The following DNAH14 variants were observed in gnomAD, a reference collection of about 807,000 sequenced individuals.
The protein encoded by DNAH14 is axonemal beta dynein heavy chain 14.
In DNAH14, 478 loss-of-function variants were observed where a neutral mutation model predicts 520.9. The ratio of observed to expected loss-of-function variants is 0.92; its 90% CI spans 0.85 to 0.99. The LOEUF is 0.99. Ranked by LOEUF, DNAH14 falls within the 50% of genes least tolerant of loss-of-function variation. The probability of loss-of-function intolerance (pLI) is 0.00; values close to 1 mark genes in which losing one functional copy is unlikely to be tolerated. For synonymous variants in DNAH14, 1,581 were observed against 1,757.2 expected (o/e 0.90, Z 2.51); for missense variants, 4,831 against 5,234.5 (o/e 0.92, Z 2.38).
At position 225,082,697 on chromosome 1, in the gene DNAH14, G is replaced by T. The variant is rs879175180; in HGVS notation, c.3285G>T (p.Pro1095=). The change falls in exon 20 of 86, where the codon CCG becomes CCT. Residue 1095 remains proline (P), a synonymous_variant. Coordinates refer to ENST00000682510, the MANE Select transcript of DNAH14 (RefSeq NM_001367479.1). ...ALQEIIGKSV[P]LDKNCKVENL... Reference sequence around the variant, plus strand: ...AGGAGATTATTGGGAAGTCAGTTCCGCTTGATAAAAACTGTAAAGTAGAGA... The same window carrying T: ...AGGAGATTATTGGGAAGTCAGTTCCTCTTGATAAAAACTGTAAAGTAGAGA... 4 of 1,550,988 alleles carry T rather than the reference G, an allele frequency of 2.6e-6. No individual in the cohort carries two copies. Among genetic ancestry groups the T allele is most frequent in the Non-Finnish European group, 3.5e-6 (4 of 1,146,790 alleles).
At chr1:225,033,167 A>G (rs1039901071) in intron 11 of DNAH14, among the ~76,000 whole-genome samples, 1 of 152,084 alleles carries the variant, frequency 6.6e-6, no homozygotes, top group South Asian at 2.1e-4. Flanking sequence ...CTGTGTCCAG[A>G]ATGGTACTGC....
chr1:225,161,080 G>A (rs944770280), intron 35 of DNAH14, among the ~76,000 whole-genome samples: 5 of 151,084 alleles, frequency 3.3e-5, no homozygotes, highest in South Asian at 2.1e-4. Flanking sequence ...TTTCATATTC[G>A]TATTCATCCT....
intron 26 of DNAH14, among the ~76,000 whole-genome samples, chr1:225,121,687 A>G (rs527683828): frequency 1.7e-4 from 26 of 152,152 alleles, no homozygotes; most frequent in African/African-American, 6.0e-4. Flanking sequence ...CTAAAAATAC[A>G]AAATTTAGCC....
At chr1:224,956,361 A>G (rs2125527742) in intron 3 of DNAH14, among the ~76,000 whole-genome samples, 1 of 152,334 alleles carries the variant, frequency 6.6e-6, no homozygotes, top group East Asian at 1.9e-4. Flanking sequence ...TGATGGTCCC[A>G]TAAGATAATA....
intron 71 of DNAH14, among the ~76,000 whole-genome samples, chr1:225,351,434 A>ATT (rs1360977824): frequency 6.6e-6 from 1 of 152,124 alleles, no homozygotes; most frequent in Non-Finnish European, 1.5e-5. Context: ...ATTTACTTAT[A>ATT]TTTTTACCAC....
At chr1:225,111,722 C>T (rs946809712) in intron 23 of DNAH14, among the ~76,000 whole-genome samples, 5 of 151,856 alleles carry the variant, frequency 3.3e-5, no homozygotes, top group Non-Finnish European at 7.4e-5. Context: ...TTCCTTCCCT[C>T]CTGTCTTCTT....
chr1:225,151,963 A>C, intron 31 of DNAH14, 42 bp from the exon 32 acceptor site: 64 of 1,473,504 alleles, frequency 4.3e-5, no homozygotes, highest in Non-Finnish European at 5.9e-5. Context: ...GCTTTGGACT[A>C]GAGAAAACAG....
chr1:225,386,072 G>A (rs918173247), intron 81 of DNAH14, among the ~76,000 whole-genome samples: 1 of 152,122 alleles, frequency 6.6e-6, no homozygotes, highest in African/African-American at 2.4e-5. Context: ...CAGAAATAGT[G>A]CCACATATCT....
chr1:225,294,768 G>A (rs1483885532), intron 55 of DNAH14, among the ~76,000 whole-genome samples: 1 of 151,874 alleles, frequency 6.6e-6, no homozygotes, highest in East Asian at 1.9e-4. Context: ...AGGTTGCCAT[G>A]AGCCGAGATG....
chr1:225,083,952 GT>G (rs2073437048), intron 20 of DNAH14, among the ~76,000 whole-genome samples: 1 of 152,158 alleles, frequency 6.6e-6, no homozygotes, highest in African/African-American at 2.4e-5. Flanking sequence ...CAGACTAAAT[GT>G]AGCAGCAAGC....
chr1:225,214,250 G>A (rs1241357409), intron 41 of DNAH14, among the ~76,000 whole-genome samples: 1 of 152,182 alleles, frequency 6.6e-6, no homozygotes, highest in Non-Finnish European at 1.5e-5. Flanking sequence ...GCATCCCAGG[G>A]ATGAAGCCCA....
At position 225,258,010 on chromosome 1, in the gene DNAH14, A is replaced by G; in HGVS notation, c.6916A>G (p.Ile2306Val). 1 of 1,549,936 alleles carries G rather than the reference A, an allele frequency of 6.5e-7. No individual in the cohort carries two copies. Among genetic ancestry groups the G allele is most frequent in the Non-Finnish European group, 8.7e-7 (1 of 1,146,452 alleles). The stretch of plus-strand genomic sequence containing the variant: ...AAGATCTGGCGGAAACTTCTTGAAG[A>G]TAACAGAATGTGGAGAATGCATTAA... ...LQRSGGNFLK[I>V]TECGECINYT... Residue 2306 changes from isoleucine (I) to valine (V), a missense_variant, in exon 45 of 86, where the codon ATA becomes GTA. Ile to Val is a conservative substitution (Grantham distance 29). Transcript: ENST00000682510.
intron 22 of DNAH14, among the ~76,000 whole-genome samples, 195 bp from the exon 23 acceptor site, chr1:225,100,518 A>G (rs1309083858): frequency 1.3e-5 from 2 of 152,132 alleles, no homozygotes; most frequent in African/African-American, 4.8e-5. Context: ...TGTTGTGTCT[A>G]ATTTATCCAT....
At chr1:225,079,672 CT>C (rs58242386) in intron 18 of DNAH14, 124 bp downstream of exon 18, 10,559 of 322,778 alleles carry the variant, frequency 0.033, 53 homozygotes, top group Admixed American at 0.12. Context: ...TACAAGTATT[CT>C]TTTTTTTTTT....
At chr1:225,303,463 C>G in intron 57 of DNAH14, 116 bp downstream of exon 57, 1 of 830,004 alleles carries the variant, frequency 1.2e-6, no homozygotes, top group Admixed American at 3.1e-5. Flanking sequence ...AGCTAATTTA[C>G]AATAAAATGG....
At chr1:225,349,042 G>T (rs2095327706) in intron 71 of DNAH14, among the ~76,000 whole-genome samples, 1 of 152,070 alleles carries the variant, frequency 6.6e-6, no homozygotes, top group Non-Finnish European at 1.5e-5. Flanking sequence ...TGGGATCATA[G>T]CTCACTGTAG....
At chr1:225,164,087 ATTCT>A (rs1303972727) in intron 35 of DNAH14, among the ~76,000 whole-genome samples, 4 of 152,138 alleles carry the variant, frequency 2.6e-5, no homozygotes, top group African/African-American at 7.2e-5. Flanking sequence ...GATGTCTCTA[ATTCT>A]TTATTTATCC....
At chr1:225,306,936 G>C (rs1229878911) in intron 58 of DNAH14, among the ~76,000 whole-genome samples, 1 of 151,930 alleles carries the variant, frequency 6.6e-6, no homozygotes, top group Non-Finnish European at 1.5e-5. Context: ...GATATGGGGG[G>C]AGAAAAAGCA....
At chr1:225,222,333 G>C (rs1337822696) in intron 41 of DNAH14, among the ~76,000 whole-genome samples, 1 of 152,216 alleles carries the variant, frequency 6.6e-6, no homozygotes, top group Non-Finnish European at 1.5e-5. Flanking sequence ...TGAAACAGCT[G>C]TGTCTGGAGT....
Sources: allele counts gnomAD v4.1 joint callset (sites outside exome capture counted in the v4.1 genomes callset), GRCh38; gene constraint gnomAD v4.1.1; transcripts MANE v1.5; gene names NCBI Gene and HGNC (gene_info 2026-07-23, HGNC 2026-07-21).